ETNK1: variants seen among roughly 807,000 people sequenced by gnomAD.
The protein encoded by ETNK1 is ethanolamine kinase 1.
A neutral mutation model predicts 45.1 loss-of-function variants in ETNK1; 8 were observed. That is an observed-to-expected ratio of 0.18 (90% CI 0.10 to 0.32). The LOEUF (loss-of-function observed/expected upper bound fraction) is 0.32. Ranked by LOEUF, ETNK1 falls within the 10% of genes least tolerant of loss-of-function variation. The pLI, the probability that ETNK1 is intolerant of heterozygous loss-of-function variation, is 1.00. For synonymous variants in ETNK1, 152 were observed against 151.9 expected, an observed-to-expected ratio of 1.00 and a Z score of -0.01; for missense variants, 302 against 430.6, an observed-to-expected ratio of 0.70 and a Z score of 2.64.
At chr12:22,635,727 A>G (rs900943593) in intron 1 of ETNK1, among the ~76,000 whole-genome samples, 9 of 152,152 alleles carry the variant, frequency 5.9e-5, no homozygotes, top group Non-Finnish European at 1.0e-4. Context: ...AAACATAAAA[A>G]TTTATTATCT....
chr12:22,632,733 T>C (rs73252129), intron 1 of ETNK1, among the ~76,000 whole-genome samples: 8,925 of 152,134 alleles, frequency 0.059, 828 homozygotes, highest in African/African-American at 0.2. Flanking sequence ...AACTCCTGGC[T>C]TCAAGTGATC....
chr12:22,625,696 T>C lies in ETNK1; in HGVS notation c.156+110T>C, dbSNP rs1194997721. On this transcript the variant is annotated intron_variant, in intron 1 of 7. Transcript: ENST00000266517. ...TGACCGAGGAGGACCTAGGGCAACA[T>C]CTCCTTAAGTCTATTGGGAAGTGAC... 2.1e-6 allele frequency: 3 copies of C among 1,437,210 alleles called. No homozygotes were observed. The African/African-American group carries it at 4.2e-5, about 20-fold the overall frequency. The allele number at this position is 1,437,210 out of a possible 1,614,324, so 89.0% of individuals were successfully genotyped here.
In ETNK1 at chr12:22,673,500, G is replaced by T. The variant is rs1412044877; in HGVS notation, c.785G>T (p.Gly262Val). 1.9e-6 allele frequency: 3 copies of T among 1,588,738 alleles called. No individual in the cohort carries two copies. The highest frequency in any genetic ancestry group is 2.6e-6 in the Non-Finnish European group (3 of 1,165,740). ...GAGTGTAGTTTTTTTTCTTCTAAAGGTGTGAGTGATGTAGACTATAGTCTG... is the reference window on the plus strand; with the variant it reads ...GAGTGTAGTTTTTTTTCTTCTAAAGTTGTGAGTGATGTAGACTATAGTCTG... ...DIGNHFNEFA[G>V]VSDVDYSLYP... The change falls in exon 6 of 8, where the codon GGT (glycine) becomes GTT (valine). Residue 262 changes from glycine to valine, a missense_variant and splice_region_variant. Coordinates refer to ENST00000266517, the MANE Select transcript of ETNK1 (RefSeq NM_018638.5).
intron 4 of ETNK1, among the ~76,000 whole-genome samples, chr12:22,670,870 C>T (rs1045697570): frequency 3.9e-5 from 6 of 152,126 alleles, no homozygotes; most frequent in Admixed American, 2.0e-4. Flanking sequence ...GTTGGAGTAT[C>T]ATAAAGTTTT....
At position 22,687,055 on chromosome 12, in the gene ETNK1, T is replaced by G. The variant is rs573518527; in HGVS notation, c.*2101T>G. The stretch of plus-strand genomic sequence containing the variant: ...AGCTGTCACACTATTGTAGGTTTTT[T>G]GGAGAGATTCATAGGGAAGTGAATG... On this transcript the variant is annotated 3_prime_UTR_variant, in exon 8 of 8. Coordinates refer to ENST00000266517, the MANE Select transcript of ETNK1 (RefSeq NM_018638.5). 4.0e-5 allele frequency: 6 copies of G among 151,774 alleles called. No homozygotes were observed. The highest frequency in any genetic ancestry group is 1.4e-4 in the African/African-American group (6 of 41,490). 9.4% of individuals were successfully genotyped at this position (151,774 alleles called of 1,614,324 possible). A position where few individuals can be genotyped will look rare whatever the true frequency, so the allele number is the denominator to read the frequency against.
At chr12:22,658,395 C>T (rs975568750) in intron 2 of ETNK1, among the ~76,000 whole-genome samples, 4 of 152,160 alleles carry the variant, frequency 2.6e-5, no homozygotes, top group African/African-American at 9.7e-5. Context: ...ATCTGACTCA[C>T]CAGTGGATCC....
intron 5 of ETNK1, 71 bp from the exon 6 acceptor site, chr12:22,673,429 T>G (rs531151771): frequency 3.2e-5 from 39 of 1,213,428 alleles, no homozygotes; most frequent in Non-Finnish European, 4.2e-5. Flanking sequence ...ATGGTGGTTT[T>G]AGGGATTATT....
intron 6 of ETNK1, among the ~76,000 whole-genome samples, chr12:22,680,012 AATAC>A (rs144480742): frequency 0.36 from 53,916 of 151,662 alleles, 9,876 homozygotes; most frequent in Non-Finnish European, 0.41. Context: ...AGGGTGGAGG[AATAC>A]ATACATCATT....
intron 4 of ETNK1, among the ~76,000 whole-genome samples, chr12:22,662,415 A>G (rs1430043265): frequency 1.7e-5 from 2 of 116,106 alleles, no homozygotes; most frequent in African/African-American, 6.7e-5. Context: ...TTTTTAAGTG[A>G]CTGGATCTCA....
intron 2 of ETNK1, 79 bp downstream of exon 2, chr12:22,644,101 CTTTG>C (rs1489437747): frequency 5.1e-5 from 76 of 1,487,986 alleles, no homozygotes; most frequent in South Asian, 8.3e-5. Context: ...TTAAAATTGT[CTTTG>C]TTTGAGCAAC....
At chr12:22,644,369 G>A (rs1378898321) in intron 2 of ETNK1, 1 of 1,408,388 alleles carries the variant, frequency 7.1e-7, no homozygotes, top group East Asian at 2.6e-5. Flanking sequence ...AATTGTTCAT[G>A]TTTTCAGAGT....
chr12:22,625,197 A>C lies in ETNK1; in HGVS notation c.-234A>C. 1 of 1,609,338 alleles carries C rather than the reference A, an allele frequency of 6.2e-7. No homozygotes were observed. ...CGGCCGCCCGCGGTCCAGCTCCGACAACAGGAATTTTCTCCGAGAGCGGGC... is the reference window on the plus strand; with the variant it reads ...CGGCCGCCCGCGGTCCAGCTCCGACCACAGGAATTTTCTCCGAGAGCGGGC... On this transcript the variant is annotated 5_prime_UTR_variant, in exon 1 of 8. Transcript: ENST00000266517.
rs1319112268 is a variant in ETNK1 at position 22,625,177 on chromosome 12, G to A, written c.-254G>A. ...GCCAGCCCCGGCATGCTCTGCGGCC[G>A]CCCGCGGTCCAGCTCCGACAACAGG... On this transcript the variant is annotated 5_prime_UTR_variant, in exon 1 of 8. Transcript: ENST00000266517. 3.8e-6 allele frequency: 6 copies of A among 1,597,604 alleles called. No individual in the cohort carries two copies. The African/African-American group carries it at 5.4e-5, about 14-fold the overall frequency.
chr12:22,666,366 G>A (rs1308511071), intron 4 of ETNK1, among the ~76,000 whole-genome samples: 2 of 152,164 alleles, frequency 1.3e-5, no homozygotes, highest in Non-Finnish European at 2.9e-5. Flanking sequence ...GGAATTATCA[G>A]TCATCTTTTA....
At chr12:22,639,361 T>C (rs1050559273) in intron 1 of ETNK1, among the ~76,000 whole-genome samples, 3 of 152,110 alleles carry the variant, frequency 2.0e-5, no homozygotes, top group African/African-American at 7.2e-5. Flanking sequence ...GGTGTTTCTT[T>C]AACCCCTATA....
chr12:22,672,607 C>G (rs1011983133), intron 5 of ETNK1, among the ~76,000 whole-genome samples: 2 of 152,078 alleles, frequency 1.3e-5, no homozygotes, highest in Admixed American at 6.6e-5. Context: ...ATAGAAAACT[C>G]CAGTGATCTT....
chr12:22,676,846 G>A (rs1181058992), intron 6 of ETNK1, among the ~76,000 whole-genome samples: 1 of 137,156 alleles, frequency 7.3e-6, no homozygotes. Context: ...CTTTGCCTAC[G>A]TTTTGATGGG....
In ETNK1 at chr12:22,687,103, C is replaced by G. The variant is rs1592140508; in HGVS notation, c.*2149C>G. The G allele has an allele frequency of 6.6e-6, 1 of 151,626 alleles. No homozygotes were observed. The highest frequency in any genetic ancestry group is 6.6e-5 in the Admixed American group (1 of 15,202). The allele number at this position is 151,626 out of a possible 1,614,324, so 9.4% of individuals were successfully genotyped here. A position where few individuals can be genotyped will look rare whatever the true frequency, so the allele number is the denominator to read the frequency against. ...ATGTAACCAGGAATAAAGGCTCTCA[C>G]TTTAGCTCTGGGACTATGCAGTGGA... On this transcript the variant is annotated 3_prime_UTR_variant, in exon 8 of 8. Coordinates refer to ENST00000266517, the MANE Select transcript of ETNK1 (RefSeq NM_018638.5).
chr12:22,659,386 G>GT (rs1953976639), intron 3 of ETNK1, among the ~76,000 whole-genome samples: 1 of 152,182 alleles, frequency 6.6e-6, no homozygotes, highest in Non-Finnish European at 1.5e-5. Flanking sequence ...AGGGGCAGAG[G>GT]TGGAAGTAGG....
Sources: allele counts gnomAD v4.1 joint callset (sites outside exome capture counted in the v4.1 genomes callset), GRCh38; gene constraint gnomAD v4.1.1; transcripts MANE v1.5; gene names NCBI Gene and HGNC (gene_info 2026-07-23, HGNC 2026-07-21).